ARFGEF1: variants seen among roughly 807,000 people sequenced by gnomAD.
ARFGEF1 encodes the protein brefeldin A-inhibited guanine nucleotide-exchange protein 1.
A neutral mutation model predicts 231.0 loss-of-function variants in ARFGEF1; 42 were observed. That is an observed-to-expected ratio of 0.18 (90% CI 0.14 to 0.24). ARFGEF1 has a LOEUF of 0.24. Ranked by LOEUF, ARFGEF1 falls within the 10% of genes least tolerant of loss-of-function variation. The pLI, the probability that ARFGEF1 is intolerant of heterozygous loss-of-function variation, is 1.00. For missense variants in ARFGEF1, 1,345 were observed against 2,192.0 expected (o/e 0.61, Z 7.72); for synonymous variants, 710 against 732.3 (o/e 0.97, Z 0.49).
At chr8:67,339,771 T>TTGTAACAG (rs1258199364) in intron 1 of ARFGEF1, among the ~76,000 whole-genome samples, 29 of 59,100 alleles carry the variant, frequency 4.9e-4, no homozygotes, top group African/African-American at 1.7e-3. Context: ...TTCTTATCAG[T>TTGTAACAG]TGTAACAGTG....
chr8:67,240,196 C>A lies in ARFGEF1; in HGVS notation c.2945G>T (p.Cys982Phe). The A allele has an allele frequency of 6.2e-7, 1 of 1,612,170 alleles. No individual in the cohort carries two copies. The highest frequency in any genetic ancestry group is 8.5e-7 in the Non-Finnish European group (1 of 1,179,446). Residue 982 changes from cysteine to phenylalanine, a missense_variant, in exon 20 of 39, where the codon TGT becomes TTT. Around this residue, in one of 14 missense-constraint regions of ARFGEF1, gnomAD observed 146 missense variants for 321.4 expected, o/e 0.45. Transcript: ENST00000262215. Reference protein sequence around the residue: ...VASLCLEGIRCAIRIACIFSI... With the variant: ...VASLCLEGIRFAIRIACIFSI... ...GAAAATGCATGCAATTCTGATTGCA[C>A]ATCTTATACCTTCCAGGCAAAGAGA...
intron 1 of ARFGEF1, among the ~76,000 whole-genome samples, chr8:67,329,503 T>C (rs960321730): frequency 1.3e-5 from 2 of 151,018 alleles, no homozygotes; most frequent in Admixed American, 6.6e-5. Flanking sequence ...CACTCCAGCC[T>C]GGGCGACAGA....
chr8:67,210,730 G>A (rs1001312453), intron 34 of ARFGEF1, among the ~76,000 whole-genome samples: 8 of 152,300 alleles, frequency 5.3e-5, no homozygotes, highest in Middle Eastern at 3.4e-3. Flanking sequence ...ATCTACCAGA[G>A]GATGTCCAAA....
chr8:67,264,361 G>A (rs557099384), intron 14 of ARFGEF1, among the ~76,000 whole-genome samples: 101 of 152,158 alleles, frequency 6.6e-4, no homozygotes, highest in African/African-American at 2.2e-3. Context: ...GATTAGATTC[G>A]AGAATCTAAT....
Position 67,199,061 on chromosome 8 carries a change from C to T in ARFGEF1, c.5423G>A (p.Cys1808Tyr), listed in dbSNP as rs1488246912. 6.2e-7 allele frequency: 1 copy of T among 1,611,730 alleles called. No individual in the cohort carries two copies. The highest frequency in any genetic ancestry group is 8.5e-7 in the Non-Finnish European group (1 of 1,179,408). The change falls in exon 39 of 39, where the codon TGT becomes TAT. Residue 1808 changes from cysteine to tyrosine, a missense_variant. Cys to Tyr is a radical substitution (Grantham distance 194). Coordinates refer to ENST00000262215, the MANE Select transcript of ARFGEF1 (RefSeq NM_006421.5). Reference protein sequence around the residue: ...AHASFYYPLLCEIMQFDLIPE... With the variant: ...AHASFYYPLLYEIMQFDLIPE... ...AATCAAGTCAAATTGCATAATTTCA[C>T]ATAAGAGAGGGTAGTAGAATGATGC... is the stretch of plus-strand genomic sequence containing the variant.
chr8:67,257,188 G>A (rs760752498), intron 17 of ARFGEF1, among the ~76,000 whole-genome samples: 56 of 151,822 alleles, frequency 3.7e-4, no homozygotes, highest in Non-Finnish European at 7.2e-4. Context: ...TCAAGCGATC[G>A]TCCCACCTTA....
intron 5 of ARFGEF1, among the ~76,000 whole-genome samples, chr8:67,295,897 T>C (rs1297650668): frequency 6.6e-6 from 1 of 152,204 alleles, no homozygotes; most frequent in Non-Finnish European, 1.5e-5. Flanking sequence ...GAGTTCAAAA[T>C]AAGAAGCTTG....
At chr8:67,210,839 G>T (rs905385501) in intron 34 of ARFGEF1, among the ~76,000 whole-genome samples, 2 of 151,976 alleles carry the variant, frequency 1.3e-5, no homozygotes, top group African/African-American at 4.8e-5. Context: ...CGGATCATAA[G>T]GTCAGGAGTT....
intron 37 of ARFGEF1, among the ~76,000 whole-genome samples, chr8:67,201,069 C>T (rs531988774): frequency 4.6e-5 from 7 of 152,276 alleles, no homozygotes; most frequent in South Asian, 4.1e-4. Flanking sequence ...TGAGTTTACA[C>T]GTTAGTTGGC....
intron 34 of ARFGEF1, among the ~76,000 whole-genome samples, chr8:67,206,274 G>C (rs1220195659): frequency 2.0e-5 from 3 of 151,998 alleles, no homozygotes; most frequent in Non-Finnish European, 1.5e-5. Flanking sequence ...GCCGGGTGTG[G>C]TGGCGTGTGC....
chr8:67,199,062 A>C lies in ARFGEF1; in HGVS notation c.5422T>G (p.Cys1808Gly). Residue 1808 changes from cysteine to glycine, a missense_variant, in exon 39 of 39, where the codon TGT (cysteine) becomes GGT (glycine). Around this residue, in one of 14 missense-constraint regions of ARFGEF1, gnomAD observed 161 missense variants for 284.9 expected, o/e 0.57. Transcript: ENST00000262215. ...AHASFYYPLL[C>G]EIMQFDLIPE... is the part of the protein sequence containing the mutation. ...ATCAAGTCAAATTGCATAATTTCAC[A>C]TAAGAGAGGGTAGTAGAATGATGCA... is the stretch of plus-strand genomic sequence containing the variant. The C allele has an allele frequency of 6.2e-7, 1 of 1,611,960 alleles. No homozygotes were observed. Among genetic ancestry groups the C allele is most frequent in the East Asian group, 2.2e-5 (1 of 44,834 alleles).
At chr8:67,241,711 A>G (rs1352852689) in intron 19 of ARFGEF1, among the ~76,000 whole-genome samples, 5 of 152,044 alleles carry the variant, frequency 3.3e-5, no homozygotes, top group Non-Finnish European at 1.5e-5. Context: ...AAATTTAACA[A>G]CTATCTACAC....
At chr8:67,243,142 T>C (rs535714075) in intron 19 of ARFGEF1, among the ~76,000 whole-genome samples, 1 of 152,358 alleles carries the variant, frequency 6.6e-6, no homozygotes, top group African/African-American at 2.4e-5. Flanking sequence ...GTGATACCTC[T>C]ATGAGTCTGC....
At chr8:67,181,504 G>A (rs1586805985) in intron 5 of ARFGEF1, among the ~76,000 whole-genome samples, 1 of 152,060 alleles carries the variant, frequency 6.6e-6, no homozygotes, top group South Asian at 2.1e-4. Flanking sequence ...CACTCAAGAT[G>A]GTGTGTTGGA....
At chr8:67,245,333 CTG>C (rs1840071103) in intron 19 of ARFGEF1, among the ~76,000 whole-genome samples, 1 of 150,378 alleles carries the variant, frequency 6.6e-6, no homozygotes, top group South Asian at 2.1e-4. Context: ...TATTATAACA[CTG>C]TGTAACTGTG....
At chr8:67,262,906 A>C (rs1191063033) in intron 14 of ARFGEF1, among the ~76,000 whole-genome samples, 2 of 152,234 alleles carry the variant, frequency 1.3e-5, no homozygotes, top group Non-Finnish European at 1.5e-5. Context: ...AATCAAAAAA[A>C]TGGTGTGACT....
chr8:67,286,610 G>A (rs7846677), intron 7 of ARFGEF1, among the ~76,000 whole-genome samples: 19,071 of 152,170 alleles, frequency 0.13, 2,339 homozygotes, highest in African/African-American at 0.32. Context: ...CCCACAGGCC[G>A]TAATGTGCCA....
At chr8:67,227,399 A>T (rs1839410642) in intron 26 of ARFGEF1, 48 bp downstream of exon 26, 1 of 1,601,618 alleles carries the variant, frequency 6.2e-7, no homozygotes, top group South Asian at 1.1e-5. Context: ...CCTGCTGTGG[A>T]AAACAACAAG....
downstream of ARFGEF1, among the ~76,000 whole-genome samples, chr8:67,194,671 CACAG>C (rs1563812609): frequency 6.7e-6 from 1 of 149,934 alleles, no homozygotes; most frequent in Non-Finnish European, 1.5e-5. Flanking sequence ...ACCAATCCTT[CACAG>C]ACCAGGAGAA....
Sources: allele counts gnomAD v4.1 joint callset (sites outside exome capture counted in the v4.1 genomes callset), GRCh38; gene constraint gnomAD v4.1.1; regional missense constraint gnomAD v4.1.1; transcripts MANE v1.5; gene names NCBI Gene and HGNC (gene_info 2026-07-23, HGNC 2026-07-21).